The following CDC42SE2 variants were observed in gnomAD, a reference collection of about 807,000 sequenced individuals.
CDC42SE2 encodes CDC42 small effector 2, also known as CDC42 small effector protein 2.
A neutral mutation model predicts 11.5 loss-of-function variants in CDC42SE2; 3 were observed. The ratio of observed to expected loss-of-function variants is 0.26; its 90% CI spans 0.12 to 0.67. CDC42SE2 has a LOEUF of 0.67. Ranked by LOEUF, CDC42SE2 falls within the 30% of genes least tolerant of loss-of-function variation. CDC42SE2 has a pLI of 0.80. For synonymous variants in CDC42SE2, 33 were observed against 34.8 expected, an observed-to-expected ratio of 0.95 and a Z score of 0.18; for missense variants, 82 against 106.8, an observed-to-expected ratio of 0.77 and a Z score of 1.02.
At chr5:131,290,384 A>G (rs568800935) in intron 1 of CDC42SE2, among the ~76,000 whole-genome samples, 2 of 150,120 alleles carry the variant, frequency 1.3e-5, no homozygotes, top group African/African-American at 4.9e-5. Flanking sequence ...GGTATCGTGT[A>G]TTTATCTTTT....
chr5:131,216,488 T>G, the CDC42SE2 span, among the ~76,000 whole-genome samples: 2 of 109,502 alleles, frequency 1.8e-5, no homozygotes, highest in African/African-American at 9.6e-5. Context: ...GACAACAGAA[T>G]GAGAACCTGT....
At chr5:131,355,373 A>G (rs57700693) in intron 2 of CDC42SE2, among the ~76,000 whole-genome samples, 2,622 of 152,126 alleles carry the variant, frequency 0.017, 76 homozygotes, top group African/African-American at 0.06. Flanking sequence ...GCTACTTCGG[A>G]GGCTGAGGTG....
At chr5:131,282,171 C>G (rs1757249170) in intron 1 of CDC42SE2, among the ~76,000 whole-genome samples, 2 of 152,046 alleles carry the variant, frequency 1.3e-5, no homozygotes, top group South Asian at 4.1e-4. Context: ...TGAAATAGAA[C>G]TGAGTTAGGA....
intron 1 of CDC42SE2, among the ~76,000 whole-genome samples, chr5:131,310,446 G>T (rs1757879434): frequency 6.6e-6 from 1 of 152,052 alleles, no homozygotes. Flanking sequence ...GGAGAGTTCT[G>T]TAGATGTCTA....
At chr5:131,372,005 CTGTT>C (rs920351392) in intron 3 of CDC42SE2, among the ~76,000 whole-genome samples, 6 of 152,224 alleles carry the variant, frequency 3.9e-5, no homozygotes, top group South Asian at 2.1e-4. Context: ...TTCCCCATCA[CTGTT>C]TGTTTTGTTT....
intron 1 of CDC42SE2, among the ~76,000 whole-genome samples, chr5:131,308,438 G>A (rs1207262162): frequency 6.6e-6 from 1 of 151,828 alleles, no homozygotes; most frequent in Non-Finnish European, 1.5e-5. Context: ...GCTCTTTTTT[G>A]GTTCCATATG....
At chr5:131,384,913 CAAAAAAAA>C (rs34252680) in intron 3 of CDC42SE2, among the ~76,000 whole-genome samples, 1 of 72,084 alleles carries the variant, frequency 1.4e-5, no homozygotes, top group Non-Finnish European at 3.0e-5. Context: ...GACTCCATCT[CAAAAAAAA>C]AAAAAAAAAA....
At chr5:131,303,170 C>T (rs575710946) in intron 1 of CDC42SE2, among the ~76,000 whole-genome samples, 1 of 152,202 alleles carries the variant, frequency 6.6e-6, no homozygotes, top group South Asian at 2.1e-4. Context: ...AGACATTGTA[C>T]TAATTAAGTG....
chr5:131,279,379 A>G (rs531758445), intron 1 of CDC42SE2, among the ~76,000 whole-genome samples: 19 of 152,062 alleles, frequency 1.2e-4, no homozygotes, highest in Admixed American at 5.2e-4. Context: ...AAATAAGATT[A>G]TTGAAAGGCG....
intron 1 of CDC42SE2, among the ~76,000 whole-genome samples, chr5:131,295,399 G>C (rs544800742): frequency 2.0e-5 from 3 of 152,232 alleles, no homozygotes; most frequent in Non-Finnish European, 1.5e-5. Flanking sequence ...TAGAGGATTG[G>C]TTAAATATAT....
chr5:131,292,870 C>T (rs1007662342), intron 1 of CDC42SE2, among the ~76,000 whole-genome samples: 28 of 129,868 alleles, frequency 2.2e-4, no homozygotes, highest in Non-Finnish European at 3.7e-4. Flanking sequence ...TGAGATTGCA[C>T]CCACTCAGCC....
chr5:131,213,240 G>T, the CDC42SE2 span, among the ~76,000 whole-genome samples: 1 of 152,130 alleles, frequency 6.6e-6, no homozygotes, highest in Non-Finnish European at 1.5e-5. Context: ...AAGATAGAGA[G>T]AGAGGGAAAA....
the CDC42SE2 span, among the ~76,000 whole-genome samples, chr5:131,221,250 G>A: frequency 2.8e-3 from 428 of 151,518 alleles, 4 homozygotes; most frequent in Non-Finnish European, 4.9e-3. Flanking sequence ...TTTGAATACC[G>A]CCCAACACAA....
At chr5:131,322,673 ATGTT>A (rs1430174100) in intron 2 of CDC42SE2, among the ~76,000 whole-genome samples, 2 of 151,740 alleles carry the variant, frequency 1.3e-5, no homozygotes, top group African/African-American at 4.8e-5. Context: ...ATTCCATTGT[ATGTT>A]TGTTTATCTG....
chr5:131,284,411 A>G (rs1386479346), intron 1 of CDC42SE2, among the ~76,000 whole-genome samples: 1 of 152,360 alleles, frequency 6.6e-6, no homozygotes, highest in African/African-American at 2.4e-5. Flanking sequence ...AGAGTGCTAA[A>G]GTAGGATACA....
intron 3 of CDC42SE2, among the ~76,000 whole-genome samples, chr5:131,377,333 T>C (rs937278391): frequency 6.6e-6 from 1 of 152,020 alleles, no homozygotes; most frequent in African/African-American, 2.4e-5. Flanking sequence ...CACACCTGGC[T>C]AATTTTTTGT....
At chr5:131,226,278 TC>T in the CDC42SE2 span, among the ~76,000 whole-genome samples, 8 of 152,232 alleles carry the variant, frequency 5.3e-5, no homozygotes, top group Non-Finnish European at 8.8e-5. Context: ...CAATTTAGTA[TC>T]ATTTGTATGT....
At chr5:131,269,977 C>T in intron 1 of CDC42SE2, among the ~76,000 whole-genome samples, 1 of 152,116 alleles carries the variant, frequency 6.6e-6, no homozygotes, top group Non-Finnish European at 1.5e-5. Flanking sequence ...AGGAGAATTA[C>T]TTGAACCCAG....
intron 1 of CDC42SE2, among the ~76,000 whole-genome samples, chr5:131,245,947 C>T (rs1756577919): frequency 6.6e-6 from 1 of 152,188 alleles, no homozygotes; most frequent in East Asian, 1.9e-4. Context: ...TTCTCCATCT[C>T]TCACTTGGCT....
Sources: allele counts gnomAD v4.1 joint callset (sites outside exome capture counted in the v4.1 genomes callset), GRCh38; gene constraint gnomAD v4.1.1; transcripts MANE v1.5; gene names NCBI Gene and HGNC (gene_info 2026-07-23, HGNC 2026-07-21).